The following CCDC157 variants were observed in gnomAD, a reference collection of about 807,000 sequenced individuals.
CCDC157 encodes the protein coiled-coil domain containing 157.
CCDC157 carries 60 observed loss-of-function variants against 70.9 expected under a neutral mutation model. The observed-to-expected ratio is 0.85, with a 90% CI of 0.69 to 1.05. The LOEUF (loss-of-function observed/expected upper bound fraction) is 1.05. CCDC157 is among the 50% of genes least tolerant of loss of function. CCDC157 has a pLI of 0.00. For missense variants in CCDC157, 943 were observed against 984.2 expected, an observed-to-expected ratio of 0.96 and a Z score of 0.56; for synonymous variants, 373 against 422.4, an observed-to-expected ratio of 0.88 and a Z score of 1.43.
At chr22:30,376,099 T>C (rs759920913) in intron 10 of CCDC157, 160 bp from the exon 11 acceptor site, 7 of 630,216 alleles carry the variant, frequency 1.1e-5, no homozygotes, top group Admixed American at 5.9e-5. Context: ...CAGCTGAGAA[T>C]AGGCCCTGGA....
rs1380086169 is a variant in CCDC157, at chr22:30,376,044, G to A, written c.1858-215G>A. ...TTCTACAAAAAAAAAAAGAAGCCAT[G>A]TCAGAAAGAAACCTCCCCACACTTG... On this transcript the variant is annotated intron_variant, in intron 10 of 11. Transcript: ENST00000338306. 15 of 557,846 alleles carry A rather than the reference G, an allele frequency of 2.7e-5. No individual in the cohort carries two copies. In the East Asian group the frequency reaches 4.1e-4, roughly 15 times the overall value. The allele number at this position is 557,846 out of a possible 1,614,324, so 34.6% of individuals were successfully genotyped here.
rs1057453873 is a variant in CCDC157 at position 30,378,275 on chromosome 22, A to T, written c.*1530A>T. Reference sequence around the variant, plus strand: ...GTGGTTAGGGCAAGGCTCACACTCAAATACTTTCCCTATCTTCAGGTCAGC... The same window carrying T: ...GTGGTTAGGGCAAGGCTCACACTCATATACTTTCCCTATCTTCAGGTCAGC... On this transcript the variant is annotated 3_prime_UTR_variant, in exon 12 of 12. Coordinates refer to ENST00000338306, the MANE Select transcript of CCDC157 (RefSeq NM_001017437.5). 1.2e-5 allele frequency: 5 copies of T among 409,034 alleles called. No individual in the cohort carries two copies. Among genetic ancestry groups the T allele is most frequent in the Admixed American group, 5.6e-5 (2 of 35,698 alleles). The allele number at this position is 409,034 out of a possible 1,614,324, so 25.3% of individuals were successfully genotyped here. A position where few individuals can be genotyped will look rare whatever the true frequency, so the allele number is the denominator to read the frequency against.
chr22:30,371,810 G>A, intron 6 of CCDC157, 83 bp downstream of exon 6: 2 of 1,258,304 alleles, frequency 1.6e-6, no homozygotes, highest in Non-Finnish European at 2.3e-6. Context: ...TCTGTCCCCT[G>A]AGCATCCAGG....
chr22:30,356,852 A>T (rs1463077085), upstream of CCDC157: 5 of 1,260,596 alleles, frequency 4.0e-6, no homozygotes, highest in Non-Finnish European at 5.0e-6. Context: ...CCGCCTCAAG[A>T]CAGCCTCCCC....
chr22:30,374,187 G>C (rs1933170011), intron 9 of CCDC157, 96 bp downstream of exon 9: 3 of 1,427,060 alleles, frequency 2.1e-6, no homozygotes, highest in Non-Finnish European at 2.8e-6. Flanking sequence ...CAGCTCCCTA[G>C]CCTGCAGCAA....
In CCDC157 at chr22:30,376,348, G is replaced by C. The variant is rs1373650926; in HGVS notation, c.1946+1G>C. On this transcript the variant is annotated splice_donor_variant, in intron 11 of 11. Coordinates refer to ENST00000338306, the MANE Select transcript of CCDC157 (RefSeq NM_001017437.5). LOFTEE classifies it high-confidence loss of function. ...TCCAGGCCAAGAGCACATCCCCAGG[G>C]TGAGTGAGGCTTTACTGGAGGTGGG... 2.5e-6 allele frequency: 4 copies of C among 1,613,818 alleles called. No individual in the cohort carries two copies. In the African/African-American group the frequency reaches 5.3e-5, roughly 22 times the overall value.
intron 9 of CCDC157, chr22:30,374,903 CG>C (rs35859610): frequency 0.79 from 279,477 of 352,406 alleles, 112,383 homozygotes; most frequent in African/African-American, 0.93. Context: ...CTGTCCAAAA[CG>C]GGGGGGCCTT....
At chr22:30,375,407 T>C in intron 9 of CCDC157, 72 bp from the exon 10 acceptor site, 1 of 1,463,012 alleles carries the variant, frequency 6.8e-7, no homozygotes, top group Non-Finnish European at 9.5e-7. Context: ...ACTACACAGC[T>C]CCTTTGTGCC....
In CCDC157 at chr22:30,376,476, A is replaced by G; in HGVS notation, c.1990A>G (p.Thr664Ala). 1 of 1,610,750 alleles carries G rather than the reference A, an allele frequency of 6.2e-7. No homozygotes were observed. Among genetic ancestry groups the G allele is most frequent in the Non-Finnish European group, 8.5e-7 (1 of 1,179,414 alleles). Residue 664 changes from threonine to alanine, a missense_variant, in exon 12 of 12, where the codon ACC becomes GCC. Physicochemically the swap from Thr to Ala is moderately conservative, Grantham distance 58. Coordinates refer to ENST00000338306, the MANE Select transcript of CCDC157 (RefSeq NM_001017437.5). ...CCTTCCTAGCAGCAGGACGGGTAGG[A>G]CCCTGCTGGGCCAGCCCTGCACATC... ...QHLPSSRTGR[T>A]LLGQPCTSPP...
rs9619104 is a variant in CCDC157, at chr22:30,378,351, A to G, written c.*1606A>G. 252,033 of 290,910 alleles carry G rather than the reference A, an allele frequency of 0.87. 109,845 individuals carry two copies. The highest frequency in any genetic ancestry group is 0.97 in the African/African-American group (44,240 of 45,720). 18.0% of individuals were successfully genotyped at this position (290,910 alleles called of 1,614,324 possible). On this transcript the variant is annotated 3_prime_UTR_variant, in exon 12 of 12. Coordinates refer to ENST00000338306, the MANE Select transcript of CCDC157 (RefSeq NM_001017437.5). ...GGGCATAAAATCCCTTTGAGAAGCC[A>G]GGCGCAGTGGCTCACGTCTGTAATC...
intron 7 of CCDC157, 113 bp from the exon 8 acceptor site, chr22:30,373,483 AC>A: frequency 8.5e-7 from 1 of 1,172,220 alleles, no homozygotes; most frequent in Non-Finnish European, 1.2e-6. Flanking sequence ...ACAGACACAC[AC>A]CCCAGGGGGG....
chr22:30,373,646 A>C lies in CCDC157; in HGVS notation c.1385A>C (p.Asp462Ala), dbSNP rs373248410. ...RALLKQLDSL[D>A]QEREELRGSL... ...CTGCTAAAGCAGCTGGACAGCCTGG[A>C]CCAGGAACGTGAGGAGCTGCGGGGC... The change falls in exon 8 of 12, where the codon GAC (aspartate) becomes GCC (alanine). Residue 462 changes from aspartate to alanine, a missense_variant. Asp to Ala is a moderately radical substitution (Grantham distance 126). Transcript: ENST00000338306. 5.8e-6 allele frequency: 9 copies of C among 1,558,814 alleles called. No individual in the cohort carries two copies. The African/African-American group carries it at 6.8e-5, about 12-fold the overall frequency.
At chr22:30,376,229 A>C in intron 10 of CCDC157, 30 bp from the exon 11 acceptor site, 5 of 1,583,602 alleles carry the variant, frequency 3.2e-6, no homozygotes, top group Non-Finnish European at 4.3e-6. Context: ...CTGGGCCCTT[A>C]TAAGACTGGC....
Position 30,373,491 on chromosome 22 carries a change from G to C in CCDC157, c.1336-106G>C. ...CCTAGACACAGACACACACCCCAGG[G>C]GGGTAGCAGCCGAGGGGTAGTAGAT... On this transcript the variant is annotated intron_variant, in intron 7 of 11. Coordinates refer to ENST00000338306, the MANE Select transcript of CCDC157 (RefSeq NM_001017437.5). The C allele has an allele frequency of 7.9e-6, 10 of 1,270,664 alleles. 1 individual carries two copies. Among genetic ancestry groups the C allele is most frequent in the South Asian group, 5.5e-5 (4 of 72,928 alleles). 78.7% of individuals were successfully genotyped at this position (1,270,664 alleles called of 1,614,324 possible). A position where few individuals can be genotyped will look rare whatever the true frequency, so the allele number is the denominator to read the frequency against.
chr22:30,364,578 GT>G (rs1211686827), intron 2 of CCDC157, among the ~76,000 whole-genome samples: 1 of 152,186 alleles, frequency 6.6e-6, no homozygotes, highest in Non-Finnish European at 1.5e-5. Flanking sequence ...GGAGGCCAAG[GT>G]GGATGGATCA....
In CCDC157 at chr22:30,370,189, T is replaced by G. The variant is rs1217411621; in HGVS notation, c.421-137T>G. The stretch of plus-strand genomic sequence containing the variant: ...GGGAGAAAGTTCTCTCTTATTCACG[T>G]CGGTGTCAGAGAACATTTGAGGGTC... On this transcript the variant is annotated intron_variant, in intron 4 of 11. Transcript: ENST00000338306. The G allele has an allele frequency of 3.1e-6, 3 of 953,070 alleles. No homozygotes were observed. In the African/African-American group the frequency reaches 4.9e-5, roughly 16 times the overall value. The allele number at this position is 953,070 out of a possible 1,614,324, so 59.0% of individuals were successfully genotyped here. A position where few individuals can be genotyped will look rare whatever the true frequency, so the allele number is the denominator to read the frequency against.
Position 30,372,219 on chromosome 22 carries a change from TCTG to T in CCDC157, c.1272_1274del (p.Cys424del). On this transcript the variant is annotated inframe_deletion, in exon 7 of 12. Coordinates refer to ENST00000338306, the MANE Select transcript of CCDC157 (RefSeq NM_001017437.5). ...CGGCTGGAGGGCGCTGGCCAGCAGG[TCTG>T]CTGGGCCAGCACGGAGCTGGATAAG... 8.1e-6 allele frequency: 13 copies of T among 1,595,456 alleles called. No homozygotes were observed. Among genetic ancestry groups the T allele is most frequent in the Non-Finnish European group, 1.1e-5 (13 of 1,174,366 alleles).
intron 10 of CCDC157, 198 bp downstream of exon 10, chr22:30,375,861 C>T: frequency 1.7e-6 from 1 of 597,324 alleles, no homozygotes; most frequent in Non-Finnish European, 2.9e-6. Context: ...TCCCATATGC[C>T]CTCTATAGCT....
chr22:30,360,105 C>G lies in CCDC157; in HGVS notation c.-165-1856C>G, dbSNP rs146850831. Among the ~76,000 whole-genome samples the G allele has an allele frequency of 1.5e-3, 222 of 152,348 alleles. 2 individuals carry two copies. The highest frequency in any genetic ancestry group is 5.0e-3 in the African/African-American group (207 of 41,566). On this transcript the variant is annotated intron_variant, in intron 1 of 11. Coordinates refer to ENST00000338306, the MANE Select transcript of CCDC157 (RefSeq NM_001017437.5). ...GTTACAATGAGCTATGACAGCACCA[C>G]TGCACTGCAGCCTGAGCAACAGAGT...
Sources: allele counts gnomAD v4.1 joint callset (sites outside exome capture counted in the v4.1 genomes callset), GRCh38; gene constraint gnomAD v4.1.1; transcripts MANE v1.5; gene names NCBI Gene and HGNC (gene_info 2026-07-23, HGNC 2026-07-21).